The following CNTN4 variants were observed in gnomAD, a reference collection of about 807,000 sequenced individuals.
CNTN4 encodes contactin 4, also known as contactin-4.
CNTN4 carries 77 observed loss-of-function variants against 122.5 expected under a neutral mutation model. The observed-to-expected ratio is 0.63, with a 90% confidence interval of 0.52 to 0.76. The LOEUF is 0.76. Ranked by LOEUF, CNTN4 falls within the 30% of genes least tolerant of loss-of-function variation. CNTN4 has a pLI of 0.00. For synonymous variants in CNTN4, 512 were observed against 447.0 expected (o/e 1.15, Z -1.83); for missense variants, 1,256 against 1,259.1 (o/e 1.00, Z 0.04).
chr3:2,138,214 C>T (rs1325548100), intron 2 of CNTN4, among the ~76,000 whole-genome samples: 11 of 152,140 alleles, frequency 7.2e-5, no homozygotes, highest in African/African-American at 2.4e-5. Flanking sequence ...TACAGGCGCC[C>T]GCCATCACGC....
chr3:2,864,980 G>T (rs1262395495), intron 7 of CNTN4, among the ~76,000 whole-genome samples: 8 of 152,066 alleles, frequency 5.3e-5, no homozygotes, highest in African/African-American at 1.9e-4. Flanking sequence ...TGTTGAGTAT[G>T]TAAGGACTGC....
chr3:2,106,362 G>T (rs748238131), intron 2 of CNTN4, among the ~76,000 whole-genome samples: 3 of 152,210 alleles, frequency 2.0e-5, no homozygotes, highest in Non-Finnish European at 4.4e-5. Context: ...TGAGGGCTCT[G>T]CCCCTTCATC....
intron 3 of CNTN4, among the ~76,000 whole-genome samples, chr3:2,368,137 A>G (rs2045480958): frequency 7.0e-6 from 1 of 143,472 alleles, no homozygotes. Flanking sequence ...GGTTCATGCC[A>G]TTCTCCTGCC....
intron 2 of CNTN4, among the ~76,000 whole-genome samples, chr3:2,229,606 A>G (rs559229545): frequency 5.5e-4 from 84 of 152,306 alleles, no homozygotes; most frequent in African/African-American, 1.9e-3. Context: ...TCTAGATAAT[A>G]TCTTGAGGGC....
chr3:2,310,267 TTTCTC>T (rs1214802144), intron 2 of CNTN4, among the ~76,000 whole-genome samples: 1 of 152,130 alleles, frequency 6.6e-6, no homozygotes, highest in Admixed American at 6.5e-5. Context: ...AAACTTCAGT[TTTCTC>T]TTCTATAAAA....
chr3:2,657,605 T>C (rs1447106930), intron 4 of CNTN4, among the ~76,000 whole-genome samples: 1 of 152,096 alleles, frequency 6.6e-6, no homozygotes, highest in Non-Finnish European at 1.5e-5. Context: ...AAATATGCAT[T>C]CTGTAAACCT....
At chr3:2,959,971 G>A (rs2094836777) in intron 13 of CNTN4, among the ~76,000 whole-genome samples, 1 of 152,104 alleles carries the variant, frequency 6.6e-6, no homozygotes, top group Non-Finnish European at 1.5e-5. Context: ...TCAATCATAT[G>A]GGCATGAAAC....
chr3:2,171,029 G>A (rs1237715716), intron 2 of CNTN4, among the ~76,000 whole-genome samples: 17 of 152,128 alleles, frequency 1.1e-4, no homozygotes, highest in Admixed American at 1.1e-3. Flanking sequence ...TTTTAAGCAA[G>A]GACTTCCTCA....
At chr3:3,050,693 G>A (rs1466320495) in intron 23 of CNTN4, among the ~76,000 whole-genome samples, 1 of 148,494 alleles carries the variant, frequency 6.7e-6, no homozygotes, top group African/African-American at 2.5e-5. Flanking sequence ...AACCCGGGAG[G>A]CGGAGGTTGT....
At chr3:2,324,876 G>C (rs1470721530) in intron 2 of CNTN4, among the ~76,000 whole-genome samples, 2 of 151,976 alleles carry the variant, frequency 1.3e-5, no homozygotes, top group Non-Finnish European at 2.9e-5. Context: ...CTCAAAAGCA[G>C]AGATGCTTTA....
At chr3:3,039,841 T>A in intron 19 of CNTN4, 196 bp from the exon 20 acceptor site, 2 of 592,454 alleles carry the variant, frequency 3.4e-6, no homozygotes, top group South Asian at 3.7e-5. Flanking sequence ...CATTACGTTT[T>A]CAACCCTGTC....
chr3:3,004,166 A>T (rs76833492), intron 14 of CNTN4, among the ~76,000 whole-genome samples: 1,599 of 152,172 alleles, frequency 0.011, 31 homozygotes, highest in African/African-American at 0.037. Flanking sequence ...AAAAAAAAAA[A>T]GAATGAATGA....
chr3:2,632,064 G>GCGCA (rs1553597782), intron 4 of CNTN4, among the ~76,000 whole-genome samples: 23 of 144,018 alleles, frequency 1.6e-4, no homozygotes, highest in South Asian at 7.0e-4. Context: ...ATACACATAC[G>GCGCA]CACACACACA....
At chr3:2,705,981 A>G (rs912746630) in intron 4 of CNTN4, among the ~76,000 whole-genome samples, 1 of 135,680 alleles carries the variant, frequency 7.4e-6, no homozygotes, top group East Asian at 2.0e-4. Flanking sequence ...ATATTATATA[A>G]AATATAAAAT....
chr3:2,654,832 A>G (rs2083512184), intron 4 of CNTN4, among the ~76,000 whole-genome samples: 1 of 152,120 alleles, frequency 6.6e-6, no homozygotes, highest in African/African-American at 2.4e-5. Context: ...GGTCTGGGTC[A>G]TAGCAGCTTC....
chr3:2,302,354 G>A (rs1461163150), intron 2 of CNTN4, among the ~76,000 whole-genome samples: 1 of 152,170 alleles, frequency 6.6e-6, no homozygotes, highest in Non-Finnish European at 1.5e-5. Context: ...CTTGAACCCA[G>A]GAGGTGGAGT....
At chr3:2,742,211 C>T (rs778499452) in intron 5 of CNTN4, among the ~76,000 whole-genome samples, 6 of 152,222 alleles carry the variant, frequency 3.9e-5, no homozygotes, top group African/African-American at 7.2e-5. Context: ...CCTCAGACAC[C>T]GCAACTGACC....
At chr3:2,270,714 G>T (rs17029515) in intron 2 of CNTN4, among the ~76,000 whole-genome samples, 1 of 141,484 alleles carries the variant, frequency 7.1e-6, no homozygotes, top group Non-Finnish European at 1.6e-5. Flanking sequence ...AAGACTGAAG[G>T]CTAGTGTGAC....
intron 4 of CNTN4, among the ~76,000 whole-genome samples, chr3:2,624,465 C>A (rs554999875): frequency 6.6e-6 from 1 of 152,062 alleles, no homozygotes; most frequent in South Asian, 2.1e-4. Flanking sequence ...TAATGCCTTA[C>A]CTTCTACTTG....
Sources: gnomAD v4.1 joint callset for allele counts (sites outside exome capture counted in the v4.1 genomes callset) on GRCh38, gnomAD v4.1.1 for gene constraint, MANE v1.5 for transcripts, NCBI Gene and HGNC (gene_info 2026-07-23, HGNC 2026-07-21) for gene names.